Variants in SULF1 observed in about 807,000 individuals in gnomAD.
The protein encoded by SULF1 is extracellular sulfatase Sulf-1.
A neutral mutation model predicts 110.5 loss-of-function variants in SULF1; 46 were observed. That is an observed-to-expected ratio of 0.42 (90% CI 0.33 to 0.53). The LOEUF (loss-of-function observed/expected upper bound fraction) is 0.53. Among genes scored for constraint, SULF1 ranks in the 20% least tolerant of loss-of-function variants. The pLI, the probability that SULF1 is intolerant of heterozygous loss-of-function variation, is 0.12. For missense variants in SULF1, 941 were observed against 1,094.2 expected, an observed-to-expected ratio of 0.86 and a Z score of 1.98; for synonymous variants, 371 against 387.1, an observed-to-expected ratio of 0.96 and a Z score of 0.49.
chr8:69,479,562 G>T (rs1809432666), intron 1 of SULF1, among the ~76,000 whole-genome samples: 1 of 152,104 alleles, frequency 6.6e-6, no homozygotes, highest in Admixed American at 6.6e-5. Flanking sequence ...CTTATTTGTT[G>T]TTGTTGCTTC....
chr8:69,617,819 T>C (rs1809297167), intron 13 of SULF1, among the ~76,000 whole-genome samples: 1 of 152,138 alleles, frequency 6.6e-6, no homozygotes, highest in Non-Finnish European at 1.5e-5. Flanking sequence ...CCTGAAAGCA[T>C]AGGTGCACTG....
In SULF1 at chr8:69,536,135, A is replaced by G. The variant is rs113586362; in HGVS notation, c.-133-27404A>G. Reference sequence around the variant, plus strand: ...AATTTAATTTGATCATGTACTCTTTATAGTATTTACGCTCAGGTGTTTTGC... The same window carrying G: ...AATTTAATTTGATCATGTACTCTTTGTAGTATTTACGCTCAGGTGTTTTGC... On this transcript the variant is annotated intron_variant, in intron 3 of 22. Transcript: ENST00000402687. Among the ~76,000 whole-genome samples, 490 of 152,192 alleles carry G rather than the reference A, an allele frequency of 3.2e-3. 7 individuals are homozygous for G. The highest frequency in any genetic ancestry group is 0.011 in the African/African-American group (457 of 41,544).
At chr8:69,613,208 T>C (rs1348153631) in intron 13 of SULF1, among the ~76,000 whole-genome samples, 1 of 152,126 alleles carries the variant, frequency 6.6e-6, no homozygotes, top group Non-Finnish European at 1.5e-5. Flanking sequence ...TGTTCCATTC[T>C]ATGTGCCTGT....
chr8:69,628,063 A>T, intron 17 of SULF1, 108 bp from the exon 18 acceptor site: 1 of 1,015,422 alleles, frequency 9.8e-7, no homozygotes, highest in Non-Finnish European at 1.5e-6. Flanking sequence ...TAAAATACTT[A>T]CAACATCACT....
chr8:69,586,337 ATTC>A lies in SULF1; in HGVS notation c.413-17_413-15del. 1.9e-6 allele frequency: 3 copies of A among 1,545,468 alleles called. No individual in the cohort carries two copies. The South Asian group carries it at 3.7e-5, about 19-fold the overall frequency. ...TTAATCATTTTACGTGAAAAAAATA[ATTC>A]TTTTTTCCCACTGCAGCCTTTTTTG... is the stretch of plus-strand genomic sequence containing the variant. On this transcript the variant is annotated splice_polypyrimidine_tract_variant and intron_variant, in intron 6 of 22. Transcript: ENST00000402687.
At chr8:69,632,529 T>G (rs567599077) in intron 19 of SULF1, among the ~76,000 whole-genome samples, 16 of 152,196 alleles carry the variant, frequency 1.1e-4, no homozygotes, top group African/African-American at 3.9e-4. Flanking sequence ...TATGTCAACT[T>G]AAGCCCTTGG....
intron 3 of SULF1, among the ~76,000 whole-genome samples, chr8:69,545,923 G>A (rs1466012897): frequency 3.3e-5 from 5 of 152,152 alleles, no homozygotes; most frequent in Non-Finnish European, 7.3e-5. Flanking sequence ...TCCAACTCCT[G>A]ACCTCAGGTG....
At chr8:69,508,711 A>G (rs1276380286) in intron 3 of SULF1, among the ~76,000 whole-genome samples, 2 of 152,194 alleles carry the variant, frequency 1.3e-5, no homozygotes, top group East Asian at 3.8e-4. Context: ...AAATGATTTG[A>G]TGCATTTTTG....
intron 5 of SULF1, among the ~76,000 whole-genome samples, chr8:69,571,497 T>C (rs765533070): frequency 3.3e-5 from 5 of 152,356 alleles, no homozygotes; most frequent in Middle Eastern, 3.4e-3. Context: ...TTTATCATCC[T>C]CACCCCTGCC....
At chr8:69,499,385 A>C (rs2150568715) in intron 2 of SULF1, among the ~76,000 whole-genome samples, 1 of 152,368 alleles carries the variant, frequency 6.6e-6, no homozygotes, top group African/African-American at 2.4e-5. Flanking sequence ...CTGAAACTAA[A>C]GAATAAATTT....
chr8:69,603,811 G>A (rs1373186152), intron 12 of SULF1, among the ~76,000 whole-genome samples, 155 bp downstream of exon 12: 1 of 152,150 alleles, frequency 6.6e-6, no homozygotes, highest in Admixed American at 6.6e-5. Flanking sequence ...TTCTGTAGTG[G>A]TCAATAGAGT....
intron 1 of SULF1, among the ~76,000 whole-genome samples, chr8:69,486,796 C>T (rs374251183): frequency 1.3e-5 from 2 of 152,118 alleles, no homozygotes; most frequent in African/African-American, 4.8e-5. Context: ...GAACAACTCC[C>T]CCGCCCCTGC....
intron 3 of SULF1, among the ~76,000 whole-genome samples, chr8:69,545,260 G>A (rs1206579434): frequency 1.3e-5 from 2 of 151,944 alleles, no homozygotes; most frequent in African/African-American, 4.8e-5. Context: ...ATATGTTATT[G>A]TTTGTCCTAT....
intron 19 of SULF1, among the ~76,000 whole-genome samples, chr8:69,636,746 G>T (rs1417282910): frequency 6.6e-6 from 1 of 152,186 alleles, no homozygotes; most frequent in Non-Finnish European, 1.5e-5. Context: ...TTGGTTGTGT[G>T]ACATTCAGTC....
intron 4 of SULF1, 149 bp downstream of exon 4, chr8:69,563,760 A>T (rs952449197): frequency 2.0e-6 from 1 of 502,946 alleles, no homozygotes. Flanking sequence ...ACTACCCAGC[A>T]CTTGTGAGGG....
At chr8:69,578,794 A>G (rs1240412089) in intron 6 of SULF1, among the ~76,000 whole-genome samples, 1 of 152,076 alleles carries the variant, frequency 6.6e-6, no homozygotes, top group Non-Finnish European at 1.5e-5. Flanking sequence ...TAATAATACA[A>G]TTTATAGTGA....
upstream of SULF1, among the ~76,000 whole-genome samples, chr8:69,490,706 C>A (rs1441209282): frequency 6.6e-6 from 1 of 152,188 alleles, no homozygotes; most frequent in Non-Finnish European, 1.5e-5. Flanking sequence ...ATAGAAAAAT[C>A]ATTGACTATG....
intron 18 of SULF1, among the ~76,000 whole-genome samples, chr8:69,628,525 A>G (rs1810274367): frequency 6.6e-6 from 1 of 152,204 alleles, no homozygotes; most frequent in Non-Finnish European, 1.5e-5. Context: ...TACTCCATGC[A>G]CTGCTTTCTG....
At chr8:69,475,027 A>G (rs1809241459) in intron 1 of SULF1, among the ~76,000 whole-genome samples, 2 of 152,102 alleles carry the variant, frequency 1.3e-5, no homozygotes, top group African/African-American at 2.4e-5. Context: ...GATCTGTATG[A>G]CACAATTTGG....
Sources: allele counts gnomAD v4.1 joint callset (sites outside exome capture counted in the v4.1 genomes callset), GRCh38; gene constraint gnomAD v4.1.1; transcripts MANE v1.5; gene names NCBI Gene and HGNC (gene_info 2026-07-23, HGNC 2026-07-21).